QRSL1: variants seen among roughly 807,000 people sequenced by gnomAD.
QRSL1 encodes glutamyl-tRNA(Gln) amidotransferase subunit A, mitochondrial.
Under a neutral mutation model 61.6 loss-of-function variants are expected in QRSL1, and 54 were observed. The ratio of observed to expected loss-of-function variants is 0.88; its 90% CI spans 0.70 to 1.10. The LOEUF (loss-of-function observed/expected upper bound fraction) is 1.10. QRSL1 is among the 50% of genes least tolerant of loss of function. QRSL1 has a pLI of 0.00. For missense variants in QRSL1, 505 were observed against 622.6 expected (o/e 0.81, Z 2.01); for synonymous variants, 228 against 225.7 (o/e 1.01, Z -0.09).
intron 1 of QRSL1, among the ~76,000 whole-genome samples, chr6:106,639,122 T>G (rs1339028972): frequency 8.7e-5 from 5 of 57,346 alleles, no homozygotes; most frequent in African/African-American, 1.7e-4. Flanking sequence ...TTTTGTTGTT[T>G]TTTTTTTTTT....
intron 3 of QRSL1, chr6:106,642,647 G>C: frequency 1.3e-6 from 1 of 782,458 alleles, no homozygotes; most frequent in Non-Finnish European, 2.3e-6. Flanking sequence ...AGAGTACACA[G>C]TGTTCCCCAG....
At chr6:106,665,553 C>T (rs560721369) in intron 10 of QRSL1, among the ~76,000 whole-genome samples, 2 of 152,188 alleles carry the variant, frequency 1.3e-5, no homozygotes, top group African/African-American at 2.4e-5. Flanking sequence ...GAGTACTATA[C>T]AGCAATAAGA....
chr6:106,633,095 T>G (rs868404297), intron 1 of QRSL1, among the ~76,000 whole-genome samples: 9 of 152,248 alleles, frequency 5.9e-5, no homozygotes, highest in Middle Eastern at 3.2e-3. Context: ...AGAAAAGAAC[T>G]ATTTAGGAGA....
At chr6:106,653,227 A>T (rs1777214075) in intron 7 of QRSL1, 1 of 154,692 alleles carries the variant, frequency 6.5e-6, no homozygotes, top group Non-Finnish European at 1.4e-5. Context: ...AATACTTTAA[A>T]TCTTTTAGGA....
intron 5 of QRSL1, among the ~76,000 whole-genome samples, 174 bp downstream of exon 5, chr6:106,649,375 A>C (rs1232949218): frequency 1.3e-5 from 2 of 151,690 alleles, no homozygotes; most frequent in African/African-American, 4.9e-5. Flanking sequence ...ACAGTACACT[A>C]TGTATATTTA....
chr6:106,640,325 GT>G, intron 1 of QRSL1, 23 bp from the exon 2 acceptor site: 1 of 1,594,480 alleles, frequency 6.3e-7, no homozygotes, highest in Non-Finnish European at 8.6e-7. Flanking sequence ...TCAGTAAAAG[GT>G]TTTTGAATTG....
At chr6:106,630,133 G>T (rs181251974) in intron 1 of QRSL1, among the ~76,000 whole-genome samples, 109 of 152,286 alleles carry the variant, frequency 7.2e-4, no homozygotes, top group African/African-American at 2.5e-3. Context: ...TTTTTTCAAA[G>T]AATTCGTTCT....
intron 9 of QRSL1, among the ~76,000 whole-genome samples, chr6:106,660,915 C>T (rs895101171): frequency 1.3e-5 from 2 of 152,064 alleles, no homozygotes; most frequent in South Asian, 4.2e-4. Flanking sequence ...GGCCCAATCA[C>T]CTCTTAAAGG....
intron 4 of QRSL1, among the ~76,000 whole-genome samples, chr6:106,647,934 G>A (rs1451307184): frequency 1.3e-5 from 2 of 151,262 alleles, no homozygotes; most frequent in Non-Finnish European, 2.9e-5. Context: ...ACAGGCGTGA[G>A]CCACTGCACC....
chr6:106,640,888 A>T lies in QRSL1; in HGVS notation c.250A>T (p.Ile84Phe). The T allele has an allele frequency of 6.2e-7, 1 of 1,613,802 alleles. No homozygotes were observed. The highest frequency in any genetic ancestry group is 1.3e-5 in the African/African-American group (1 of 75,052). ...AVKDNFSTSG[I>F]ETTCASNMLK... ...AAAAGACAATTTCAGCACTTCTGGC[A>T]TTGAGACAACATGTGCATCAAATAT... Residue 84 changes from isoleucine (I) to phenylalanine (F), a missense_variant, in exon 3 of 11, where the codon ATT becomes TTT. Transcript: ENST00000369046.
At chr6:106,663,704 A>G (rs920720499) in intron 10 of QRSL1, among the ~76,000 whole-genome samples, 1 of 152,200 alleles carries the variant, frequency 6.6e-6, no homozygotes, top group Non-Finnish European at 1.5e-5. Context: ...TGGGGATTAC[A>G]ATTCAACATG....
At chr6:106,654,604 T>G (rs1777239046) in intron 7 of QRSL1, 126 bp from the exon 8 acceptor site, 20 of 786,756 alleles carry the variant, frequency 2.5e-5, no homozygotes, top group Middle Eastern at 7.6e-4. Context: ...TTTATCCTAT[T>G]TTCTAATGTA....
chr6:106,661,498 C>G (rs564255927), intron 9 of QRSL1, among the ~76,000 whole-genome samples: 2 of 152,188 alleles, frequency 1.3e-5, no homozygotes, highest in African/African-American at 4.8e-5. Flanking sequence ...ATATGTGATG[C>G]CTGCATTGGT....
At position 106,649,067 on chromosome 6, in the gene QRSL1, C is replaced by T; in HGVS notation, c.423C>T (p.Pro141=). ...GTGTATTTGGACCAGTTAAAAACCC[C>T]TGGAGTTATTCAAAACAATATAGAG... ...TDGVFGPVKN[P]WSYSKQYREK... The change falls in exon 5 of 11, where the codon CCC becomes CCT. Residue 141 remains proline (P), a synonymous_variant. Coordinates refer to ENST00000369046, the MANE Select transcript of QRSL1 (RefSeq NM_018292.5). 6.2e-7 allele frequency: 1 copy of T among 1,613,962 alleles called. No homozygotes were observed. The highest frequency in any genetic ancestry group is 8.5e-7 in the Non-Finnish European group (1 of 1,179,988).
At chr6:106,638,779 T>C (rs1158036513) in intron 1 of QRSL1, among the ~76,000 whole-genome samples, 1 of 152,186 alleles carries the variant, frequency 6.6e-6, no homozygotes, top group Non-Finnish European at 1.5e-5. Flanking sequence ...TGATGACCTC[T>C]TCCCACTGCT....
At chr6:106,639,995 G>A (rs3804344) in intron 1 of QRSL1, 15,793 of 170,240 alleles carry the variant, frequency 0.093, 1,048 homozygotes, top group African/African-American at 0.19. Context: ...TTGCAGCTAA[G>A]CTACCCTCTG....
Position 106,630,297 on chromosome 6 carries a change from T to C in QRSL1, c.24+592T>C, listed in dbSNP as rs376641439. ...GCACCCTCAAATTCACTTTAATCGGTGTTGAAGTAATCATTGTAACAGGAC... is the reference window on the plus strand; with the variant it reads ...GCACCCTCAAATTCACTTTAATCGGCGTTGAAGTAATCATTGTAACAGGAC... On this transcript the variant is annotated intron_variant, in intron 1 of 10. Coordinates refer to ENST00000369046, the MANE Select transcript of QRSL1 (RefSeq NM_018292.5). Among the ~76,000 whole-genome samples the C allele has an allele frequency of 1.6e-3, 246 of 152,270 alleles. 2 individuals carry two copies. The highest frequency in any genetic ancestry group is 5.6e-3 in the African/African-American group (233 of 41,540).
intron 1 of QRSL1, among the ~76,000 whole-genome samples, chr6:106,630,961 T>A (rs1347328327): frequency 6.6e-6 from 1 of 152,208 alleles, no homozygotes; most frequent in African/African-American, 2.4e-5. Flanking sequence ...GCGCGGTGGC[T>A]CACGCCTGTA....
At chr6:106,639,134 T>TTTTTTTG (rs1776974919) in intron 1 of QRSL1, among the ~76,000 whole-genome samples, 1 of 135,812 alleles carries the variant, frequency 7.4e-6, no homozygotes, top group African/African-American at 2.9e-5. Context: ...TTTTTTTTTT[T>TTTTTTTG]TTTTTTTTTT....
Sources: gnomAD v4.1 joint callset for allele counts (sites outside exome capture counted in the v4.1 genomes callset) on GRCh38, gnomAD v4.1.1 for gene constraint, MANE v1.5 for transcripts, NCBI Gene and HGNC (gene_info 2026-07-23, HGNC 2026-07-21) for gene names.